Variants in SLC24A2 observed in about 807,000 individuals in gnomAD.
SLC24A2 encodes the protein sodium/potassium/calcium exchanger 2.
A neutral mutation model predicts 62.0 loss-of-function variants in SLC24A2; 36 were observed. The observed-to-expected ratio is 0.58, with a 90% confidence interval of 0.44 to 0.77. The LOEUF is 0.77. Among genes scored for constraint, SLC24A2 ranks in the 30% least tolerant of loss-of-function variants. The pLI is 0.00. For missense variants in SLC24A2, 846 were observed against 817.9 expected (o/e 1.03, Z -0.42); for synonymous variants, 358 against 294.0 (o/e 1.22, Z -2.23).
the SLC24A2 span, among the ~76,000 whole-genome samples, chr9:20,276,473 C>A: frequency 3.5e-4 from 54 of 152,252 alleles, no homozygotes; most frequent in Non-Finnish European, 5.7e-4. Context: ...TACAGCCCCA[C>A]TCCTGGCTGC....
chr9:20,286,580 GGGGGGGCTGA>G, the SLC24A2 span, among the ~76,000 whole-genome samples: 1 of 152,188 alleles, frequency 6.6e-6, no homozygotes, highest in African/African-American at 2.4e-5. Context: ...TATGCTGCAA[GGGGGGGCTGA>G]GATCTGTCAT....
At chr9:20,001,011 T>C in the SLC24A2 span, among the ~76,000 whole-genome samples, 2 of 152,162 alleles carry the variant, frequency 1.3e-5, no homozygotes, top group Non-Finnish European at 2.9e-5. Context: ...AAGATCACGT[T>C]TTGAGGCCCT....
the SLC24A2 span, among the ~76,000 whole-genome samples, chr9:19,839,906 C>G: frequency 6.6e-6 from 1 of 152,054 alleles, no homozygotes; most frequent in Admixed American, 6.6e-5. Flanking sequence ...AGGTTTGTAA[C>G]CCAGAAGCAA....
At chr9:19,752,490 C>G (rs888147837) in intron 2 of SLC24A2, among the ~76,000 whole-genome samples, 5 of 126,792 alleles carry the variant, frequency 3.9e-5, no homozygotes, top group Admixed American at 1.5e-4. Flanking sequence ...ATAAGGATGC[C>G]ATTTAACACA....
At chr9:20,009,190 C>A in the SLC24A2 span, among the ~76,000 whole-genome samples, 32 of 152,200 alleles carry the variant, frequency 2.1e-4, no homozygotes, top group Admixed American at 5.2e-4. Context: ...TCACTCCAGT[C>A]TCATCCTATG....
chr9:20,184,894 T>C, the SLC24A2 span, among the ~76,000 whole-genome samples: 3 of 152,246 alleles, frequency 2.0e-5, no homozygotes, highest in South Asian at 4.1e-4. Flanking sequence ...AAATGTGGCA[T>C]ATATACACAT....
intron 5 of SLC24A2, among the ~76,000 whole-genome samples, chr9:19,593,940 G>C (rs1836630431): frequency 1.3e-5 from 2 of 152,006 alleles, no homozygotes; most frequent in African/African-American, 4.8e-5. Context: ...AGATGATATA[G>C]AATATATATA....
the SLC24A2 span, among the ~76,000 whole-genome samples, chr9:20,120,464 A>T: frequency 6.6e-6 from 1 of 152,202 alleles, no homozygotes; most frequent in Admixed American, 6.5e-5. Context: ...CAGAAAATCA[A>T]ATACCACTTG....
At chr9:19,697,841 A>G (rs1021244070) in intron 2 of SLC24A2, among the ~76,000 whole-genome samples, 2 of 152,132 alleles carry the variant, frequency 1.3e-5, no homozygotes, top group Non-Finnish European at 2.9e-5. Context: ...TTTTTTTGAT[A>G]TGGTGGCAAA....
intron 2 of SLC24A2, among the ~76,000 whole-genome samples, chr9:19,691,344 C>T (rs941542365): frequency 6.6e-6 from 1 of 152,102 alleles, no homozygotes; most frequent in Non-Finnish European, 1.5e-5. Context: ...CAGGGCCAGG[C>T]TGTGAAATCT....
At chr9:20,273,466 C>T in the SLC24A2 span, among the ~76,000 whole-genome samples, 2 of 152,266 alleles carry the variant, frequency 1.3e-5, no homozygotes, top group South Asian at 4.1e-4. Context: ...ATGGGAGGAA[C>T]CCTGTGGGAG....
intron 4 of SLC24A2, among the ~76,000 whole-genome samples, chr9:19,602,284 C>A (rs989379746): frequency 6.6e-6 from 1 of 152,118 alleles, no homozygotes; most frequent in Non-Finnish European, 1.5e-5. Flanking sequence ...CATATAGAAC[C>A]CATCATTCTA....
At chr9:20,190,295 T>G in the SLC24A2 span, among the ~76,000 whole-genome samples, 47 of 152,314 alleles carry the variant, frequency 3.1e-4, no homozygotes, top group Middle Eastern at 3.4e-3. Flanking sequence ...GGTTTTCCTC[T>G]GGCTTGTCAA....
At chr9:19,987,522 G>A in the SLC24A2 span, among the ~76,000 whole-genome samples, 3 of 152,112 alleles carry the variant, frequency 2.0e-5, 1 homozygote, top group South Asian at 6.2e-4. Flanking sequence ...TCTGTCCAAT[G>A]CTCACACTTT....
chr9:20,219,734 T>G, the SLC24A2 span, among the ~76,000 whole-genome samples: 1 of 152,168 alleles, frequency 6.6e-6, no homozygotes, highest in Non-Finnish European at 1.5e-5. Flanking sequence ...GCAGGGCATA[T>G]GAAGAAATAT....
At chr9:19,975,930 G>C in the SLC24A2 span, among the ~76,000 whole-genome samples, 2 of 113,266 alleles carry the variant, frequency 1.8e-5, no homozygotes, top group African/African-American at 3.2e-5. Flanking sequence ...TTTTGAGACA[G>C]TATCTTGTTC....
chr9:19,717,397 G>A (rs1377442945), intron 2 of SLC24A2, among the ~76,000 whole-genome samples: 1 of 152,158 alleles, frequency 6.6e-6, no homozygotes, highest in African/African-American at 2.4e-5. Flanking sequence ...GAATGAAATG[G>A]TTAGGTAAGT....
the SLC24A2 span, among the ~76,000 whole-genome samples, chr9:19,831,188 G>A: frequency 3.8e-3 from 574 of 152,304 alleles, 13 homozygotes; most frequent in Admixed American, 0.034. Flanking sequence ...TTCAACATGA[G>A]TTTTAGAGGG....
At chr9:19,689,873 A>G (rs540317770) in intron 2 of SLC24A2, among the ~76,000 whole-genome samples, 26 of 152,292 alleles carry the variant, frequency 1.7e-4, no homozygotes, top group South Asian at 1.2e-3. Flanking sequence ...GCAAGAGATT[A>G]GCAATGAGTT....
Sources: gnomAD v4.1 joint callset for allele counts (sites outside exome capture counted in the v4.1 genomes callset) on GRCh38, gnomAD v4.1.1 for gene constraint, MANE v1.5 for transcripts, NCBI Gene and HGNC (gene_info 2026-07-23, HGNC 2026-07-21) for gene names.